Variants in CRIM1 observed in about 807,000 individuals in gnomAD.
The protein encoded by CRIM1 is cysteine rich transmembrane BMP regulator 1.
Under a neutral mutation model 116.4 loss-of-function variants are expected in CRIM1, and 32 were observed. The ratio of observed to expected loss-of-function variants is 0.27; its 90% confidence interval spans 0.21 to 0.37. The LOEUF is 0.37. Among genes scored for constraint, CRIM1 ranks in the 10% least tolerant of loss-of-function variants. The pLI, the probability that CRIM1 is intolerant of heterozygous loss-of-function variation, is 1.00. For missense variants in CRIM1, 1,331 were observed against 1,354.8 expected, an observed-to-expected ratio of 0.98 and a Z score of 0.28; for synonymous variants, 590 against 509.2, an observed-to-expected ratio of 1.16 and a Z score of -2.13.
At chr2:36,479,977 T>A (rs371264326) in intron 7 of CRIM1, among the ~76,000 whole-genome samples, 26 of 152,350 alleles carry the variant, frequency 1.7e-4, no homozygotes, top group African/African-American at 6.0e-4. Flanking sequence ...ACTTTGAACC[T>A]AATTAACACC....
In CRIM1 at chr2:36,464,547, T is replaced by C. The variant is rs763145259; in HGVS notation, c.883T>C (p.Ser295Pro). The change falls in exon 5 of 17, where the codon TCT becomes CCT. Residue 295 changes from serine (S) to proline (P), a missense_variant. By Grantham distance (74) the Ser-to-Pro change is moderately conservative. This residue lies in a region of CRIM1 where 690 missense variants were observed against 676.0 expected (regional missense o/e 1.02). Coordinates refer to ENST00000280527, the MANE Select transcript of CRIM1 (RefSeq NM_016441.3). The part of the protein sequence containing the change: ...CTLPTRCECL[S>P]GLCGFPVCEV... ...CTTTGGTTTCAGATGCGAGTGTCTC[T>C]CTGGCTTATGTGGTTTCCCCGTGTG... 3.1e-6 allele frequency: 5 copies of C among 1,614,028 alleles called. No individual in the cohort carries two copies. Among genetic ancestry groups the C allele is most frequent in the Non-Finnish European group, 3.4e-6 (4 of 1,180,028 alleles).
intron 8 of CRIM1, among the ~76,000 whole-genome samples, chr2:36,505,192 G>A (rs919794454): frequency 1.3e-5 from 2 of 152,134 alleles, no homozygotes; most frequent in African/African-American, 2.4e-5. Flanking sequence ...GGAACTTCAT[G>A]GCCATCCTGA....
At chr2:36,469,296 A>G (rs1405298659) in intron 5 of CRIM1, among the ~76,000 whole-genome samples, 1 of 152,176 alleles carries the variant, frequency 6.6e-6, no homozygotes, top group Admixed American at 6.5e-5. Flanking sequence ...GGGGATCTGA[A>G]TACAACTTAG....
chr2:36,534,429 G>C (rs1234872857), intron 13 of CRIM1, among the ~76,000 whole-genome samples: 2 of 139,524 alleles, frequency 1.4e-5, no homozygotes, highest in Admixed American at 1.4e-4. Flanking sequence ...AGGAAGGAAG[G>C]GGACAGGAAG....
intron 2 of CRIM1, among the ~76,000 whole-genome samples, chr2:36,403,993 C>T (rs1388930645): frequency 1.3e-5 from 2 of 152,060 alleles, no homozygotes; most frequent in African/African-American, 4.8e-5. Flanking sequence ...GGAGTATGAG[C>T]ATTTTTAGGA....
chr2:36,485,787 C>T (rs1679774393), intron 7 of CRIM1, among the ~76,000 whole-genome samples: 1 of 152,152 alleles, frequency 6.6e-6, no homozygotes, highest in African/African-American at 2.4e-5. Flanking sequence ...GGTGGTATTG[C>T]TTCAGTGCCA....
At chr2:36,528,089 T>C (rs932710989) in intron 13 of CRIM1, among the ~76,000 whole-genome samples, 1 of 152,214 alleles carries the variant, frequency 6.6e-6, no homozygotes, top group Admixed American at 6.5e-5. Context: ...AAATACTTTA[T>C]AAACAGTAAA....
intron 2 of CRIM1, among the ~76,000 whole-genome samples, chr2:36,398,129 A>G (rs1368877506): frequency 6.6e-6 from 1 of 152,240 alleles, no homozygotes; most frequent in Non-Finnish European, 1.5e-5. Flanking sequence ...GTCTGTTTAC[A>G]TAGTTAATAA....
At chr2:36,379,742 C>CTTTT (rs760969263) in intron 1 of CRIM1, among the ~76,000 whole-genome samples, 8 of 106,358 alleles carry the variant, frequency 7.5e-5, no homozygotes, top group South Asian at 3.5e-4. Context: ...TTCTTTCTCT[C>CTTTT]TTTTTTTTTT....
At chr2:36,366,017 CG>C (rs1245580508) in intron 1 of CRIM1, among the ~76,000 whole-genome samples, 2 of 152,176 alleles carry the variant, frequency 1.3e-5, no homozygotes. Context: ...TGAGCCACCG[CG>C]CCCAGCCCAG....
intron 4 of CRIM1, among the ~76,000 whole-genome samples, chr2:36,457,964 CT>C (rs777129208): frequency 1.3e-5 from 2 of 152,082 alleles, no homozygotes; most frequent in Non-Finnish European, 2.9e-5. Context: ...CTTTTTGCTC[CT>C]CATTTATCCT....
At chr2:36,384,140 C>G (rs1304544339) in intron 1 of CRIM1, among the ~76,000 whole-genome samples, 1 of 152,172 alleles carries the variant, frequency 6.6e-6, no homozygotes, top group Non-Finnish European at 1.5e-5. Flanking sequence ...CAAAGTCTTG[C>G]CAGAAGTTGA....
chr2:36,382,585 AC>A (rs1343229550), intron 1 of CRIM1, among the ~76,000 whole-genome samples: 5 of 152,210 alleles, frequency 3.3e-5, no homozygotes, highest in Non-Finnish European at 7.3e-5. Context: ...TGGTTATGGC[AC>A]TAATTTATTG....
chr2:36,537,617 G>C, intron 14 of CRIM1, 71 bp downstream of exon 14: 1 of 1,440,440 alleles, frequency 6.9e-7, no homozygotes, highest in Non-Finnish European at 9.2e-7. Context: ...AGCAGAGCTC[G>C]ACCTGCCCCT....
At chr2:36,504,421 G>A (rs1214317184) in intron 8 of CRIM1, among the ~76,000 whole-genome samples, 1 of 152,132 alleles carries the variant, frequency 6.6e-6, no homozygotes, top group Non-Finnish European at 1.5e-5. Flanking sequence ...GTCACATTAG[G>A]ATTGAAATCA....
At chr2:36,524,582 G>A (rs1356304170) in intron 13 of CRIM1, among the ~76,000 whole-genome samples, 3 of 151,798 alleles carry the variant, frequency 2.0e-5, no homozygotes, top group Non-Finnish European at 2.9e-5. Flanking sequence ...GTTACCTTCA[G>A]AGGAAAAATC....
intron 1 of CRIM1, among the ~76,000 whole-genome samples, chr2:36,374,925 G>A (rs955324481): frequency 6.6e-6 from 1 of 151,282 alleles, no homozygotes; most frequent in Admixed American, 6.6e-5. Flanking sequence ...TGGAAGCTTT[G>A]TAAAGTTAAC....
rs762718936 is a variant in CRIM1, at chr2:36,476,955, A to G, written c.1058A>G (p.Asn353Ser). ...GATGGAGACATGTTTCGAATGGACA[A>G]CTGTCGGTTCTGTCGATGCCAAGGG... Reference protein sequence around the residue: ...YYDGDMFRMDNCRFCRCQGGV... With the variant: ...YYDGDMFRMDSCRFCRCQGGV... Residue 353 changes from asparagine (N) to serine (S), a missense_variant, in exon 6 of 17, where the codon AAC (asparagine) becomes AGC (serine). Asn to Ser is a conservative substitution (Grantham distance 46). Transcript: ENST00000280527. The G allele has an allele frequency of 1.9e-6, 3 of 1,614,136 alleles. No individual in the cohort carries two copies. Among genetic ancestry groups the G allele is most frequent in the East Asian group, 2.2e-5 (1 of 44,884 alleles).
intron 1 of CRIM1, among the ~76,000 whole-genome samples, chr2:36,381,271 G>C (rs1670746657): frequency 6.6e-6 from 1 of 152,240 alleles, no homozygotes; most frequent in Non-Finnish European, 1.5e-5. Flanking sequence ...ATGGCCTTGA[G>C]GTGGGATGGA....
Sources: allele counts gnomAD v4.1 joint callset (sites outside exome capture counted in the v4.1 genomes callset), GRCh38; gene constraint gnomAD v4.1.1; regional missense constraint gnomAD v4.1.1; transcripts MANE v1.5; gene names NCBI Gene and HGNC (gene_info 2026-07-23, HGNC 2026-07-21).